CNTN4: variants seen among roughly 807,000 people sequenced by gnomAD.
CNTN4 encodes the protein contactin-4.
Under a neutral mutation model 122.5 loss-of-function variants are expected in CNTN4, and 77 were observed. That is an observed-to-expected ratio of 0.63 (90% CI 0.52 to 0.76). The LOEUF (loss-of-function observed/expected upper bound fraction) is 0.76. Ranked by LOEUF, CNTN4 falls within the 30% of genes least tolerant of loss-of-function variation. The pLI is 0.00. For synonymous variants in CNTN4, 512 were observed against 447.0 expected, an observed-to-expected ratio of 1.15 and a Z score of -1.83; for missense variants, 1,256 against 1,259.1, an observed-to-expected ratio of 1.00 and a Z score of 0.04.
At chr3:2,155,027 A>G (rs1185624229) in intron 2 of CNTN4, among the ~76,000 whole-genome samples, 2 of 152,228 alleles carry the variant, frequency 1.3e-5, no homozygotes, top group Admixed American at 6.5e-5. Flanking sequence ...TACCTTTTCA[A>G]AATTTGTTAA....
At chr3:2,204,745 G>GC (rs1291740961) in intron 2 of CNTN4, among the ~76,000 whole-genome samples, 2 of 151,872 alleles carry the variant, frequency 1.3e-5, no homozygotes, top group East Asian at 3.9e-4. Context: ...AGGATGCAAG[G>GC]CCCCCCCATG....
At chr3:2,306,971 C>G (rs2042732279) in intron 2 of CNTN4, among the ~76,000 whole-genome samples, 1 of 151,888 alleles carries the variant, frequency 6.6e-6, no homozygotes, top group Non-Finnish European at 1.5e-5. Context: ...AACTTGTATC[C>G]TAGAATTTTG....
chr3:2,784,138 C>T (rs75591883), intron 6 of CNTN4, among the ~76,000 whole-genome samples: 2 of 152,092 alleles, frequency 1.3e-5, no homozygotes, highest in East Asian at 3.9e-4. Context: ...AGCAACCAGC[C>T]TTTTTTACTA....
At chr3:2,501,527 A>G (rs1312036819) in intron 3 of CNTN4, among the ~76,000 whole-genome samples, 2 of 152,190 alleles carry the variant, frequency 1.3e-5, no homozygotes, top group South Asian at 2.1e-4. Flanking sequence ...ATCAACTTCT[A>G]GAGGCCACCT....
chr3:2,735,679 C>G (rs565493050), intron 4 of CNTN4, among the ~76,000 whole-genome samples: 2 of 152,136 alleles, frequency 1.3e-5, no homozygotes, highest in Non-Finnish European at 1.5e-5. Flanking sequence ...AGAATAAAGA[C>G]TGTAGGTTGT....
At chr3:2,573,119 T>C (rs1284268690) in intron 4 of CNTN4, among the ~76,000 whole-genome samples, 1 of 152,236 alleles carries the variant, frequency 6.6e-6, no homozygotes, top group South Asian at 2.1e-4. Context: ...AAGCCGACTA[T>C]AGTCTTGCCT....
chr3:2,458,985 A>T (rs576723202), intron 3 of CNTN4, among the ~76,000 whole-genome samples: 1 of 152,242 alleles, frequency 6.6e-6, no homozygotes, highest in South Asian at 2.1e-4. Context: ...CTTTAGACAG[A>T]TGTGTGTGAA....
chr3:2,457,031 C>T (rs1368326149), intron 3 of CNTN4, among the ~76,000 whole-genome samples: 1 of 152,018 alleles, frequency 6.6e-6, no homozygotes, highest in Non-Finnish European at 1.5e-5. Context: ...GTTAAAGTAC[C>T]TCATATTGGG....
intron 2 of CNTN4, among the ~76,000 whole-genome samples, chr3:2,278,163 C>G (rs773059778): frequency 6.6e-6 from 1 of 152,128 alleles, no homozygotes; most frequent in African/African-American, 2.4e-5. Flanking sequence ...TGAGAGGAGC[C>G]TCTAACATAG....
chr3:2,387,138 C>T (rs2046283467), intron 3 of CNTN4, among the ~76,000 whole-genome samples: 1 of 152,010 alleles, frequency 6.6e-6, no homozygotes, highest in South Asian at 2.1e-4. Context: ...ATTTATAAAA[C>T]TTATCTGATA....
At chr3:2,609,151 C>T (rs990760521) in intron 4 of CNTN4, among the ~76,000 whole-genome samples, 3 of 152,170 alleles carry the variant, frequency 2.0e-5, no homozygotes, top group Non-Finnish European at 4.4e-5. Flanking sequence ...TTCAATGTGT[C>T]CTCTACAGAA....
chr3:2,266,683 A>G (rs1013610901), intron 2 of CNTN4, among the ~76,000 whole-genome samples: 5 of 152,052 alleles, frequency 3.3e-5, no homozygotes, highest in Non-Finnish European at 7.4e-5. Context: ...AATGTCTTCT[A>G]TGCAAACCAA....
rs552491532 is a variant in CNTN4 at position 2,708,993 on chromosome 3, T to C, written c.56-27222T>C. 3.3e-5 allele frequency among the ~76,000 whole-genome samples: 5 copies of C among 152,334 alleles called. No homozygotes were observed. The South Asian group carries it at 1.0e-3, about 32-fold the overall frequency. ...ATTGCAGAAATCCATGTACGTATTT[T>C]AATGGGCGTTGCTACTTGGATCTTC... On this transcript the variant is annotated intron_variant, in intron 4 of 24. Transcript: ENST00000418658.
chr3:2,333,524 A>G (rs1403622820), intron 2 of CNTN4, among the ~76,000 whole-genome samples: 1 of 152,216 alleles, frequency 6.6e-6, no homozygotes, highest in South Asian at 2.1e-4. Context: ...ATTGTACCCA[A>G]TGAAAGTCCC....
chr3:2,729,296 G>A (rs1308848619), intron 4 of CNTN4, among the ~76,000 whole-genome samples: 2 of 152,090 alleles, frequency 1.3e-5, no homozygotes, highest in South Asian at 2.1e-4. Context: ...CGGGCGCGGT[G>A]GCTCACGCCT....
chr3:2,467,405 T>C (rs1468293683), intron 3 of CNTN4, among the ~76,000 whole-genome samples: 1 of 152,212 alleles, frequency 6.6e-6, no homozygotes, highest in East Asian at 1.9e-4. Flanking sequence ...CAACATATTT[T>C]TTGGTAAGTC....
At chr3:2,775,032 G>A (rs2091260657) in intron 6 of CNTN4, among the ~76,000 whole-genome samples, 1 of 152,200 alleles carries the variant, frequency 6.6e-6, no homozygotes, top group East Asian at 1.9e-4. Context: ...GCCTGCTGGT[G>A]CTCTTTATTC....
At chr3:2,650,431 G>C (rs2083310223) in intron 4 of CNTN4, among the ~76,000 whole-genome samples, 1 of 152,186 alleles carries the variant, frequency 6.6e-6, no homozygotes, top group Non-Finnish European at 1.5e-5. Flanking sequence ...GACAACAAAA[G>C]AGAATATTAT....
chr3:2,131,782 T>C (rs1329023811), intron 2 of CNTN4, among the ~76,000 whole-genome samples: 4 of 152,204 alleles, frequency 2.6e-5, no homozygotes, highest in Non-Finnish European at 4.4e-5. Context: ...AGTTAACTTA[T>C]CATCTTGAAT....
Sources: allele counts gnomAD v4.1 joint callset (sites outside exome capture counted in the v4.1 genomes callset), GRCh38; gene constraint gnomAD v4.1.1; transcripts MANE v1.5; gene names NCBI Gene and HGNC (gene_info 2026-07-23, HGNC 2026-07-21).